ASTN2: variants seen among roughly 807,000 people sequenced by gnomAD.
ASTN2 encodes astrotactin 2, also known as astrotactin-2.
A neutral mutation model predicts 139.8 loss-of-function variants in ASTN2; 54 were observed. The observed-to-expected ratio is 0.39, with a 90% CI of 0.31 to 0.48. The LOEUF (loss-of-function observed/expected upper bound fraction) is 0.48, where lower values mean the gene tolerates loss of function less well. ASTN2 is among the 20% of genes least tolerant of loss of function. ASTN2 has a pLI of 0.95. For synonymous variants in ASTN2, 756 were observed against 719.5 expected, an observed-to-expected ratio of 1.05 and a Z score of -0.81; for missense variants, 1,565 against 1,725.1, an observed-to-expected ratio of 0.91 and a Z score of 1.64.
At chr9:116,733,576 G>T (rs994686648) in intron 13 of ASTN2, 53 bp from the exon 14 acceptor site, 1 of 1,610,708 alleles carries the variant, frequency 6.2e-7, no homozygotes, top group Non-Finnish European at 8.5e-7. Flanking sequence ...GACTGCTGAG[G>T]ACTACAGGGC....
chr9:116,868,481 A>G (rs1833073898), intron 10 of ASTN2, among the ~76,000 whole-genome samples: 1 of 152,184 alleles, frequency 6.6e-6, no homozygotes, highest in Non-Finnish European at 1.5e-5. Flanking sequence ...CTGTCTTAGC[A>G]GAGGAGGACA....
At chr9:117,294,648 C>A (rs528791490) in intron 1 of ASTN2, among the ~76,000 whole-genome samples, 1 of 152,328 alleles carries the variant, frequency 6.6e-6, no homozygotes, top group African/African-American at 2.4e-5. Flanking sequence ...TTCTACCCAG[C>A]CAAATGTCTC....
At chr9:116,746,748 C>T (rs117173116) in intron 13 of ASTN2, among the ~76,000 whole-genome samples, 1,803 of 152,226 alleles carry the variant, frequency 0.012, 20 homozygotes, top group Middle Eastern at 0.044. Flanking sequence ...GTTTGTGCAG[C>T]CCCTGTTCTG....
chr9:116,991,232 T>C (rs899351221), intron 7 of ASTN2, among the ~76,000 whole-genome samples: 1 of 152,120 alleles, frequency 6.6e-6, no homozygotes, highest in Non-Finnish European at 1.5e-5. Flanking sequence ...CCACACTGAA[T>C]CAAATGCTGC....
chr9:116,841,709 T>C (rs1045296813), intron 11 of ASTN2, among the ~76,000 whole-genome samples: 4 of 152,156 alleles, frequency 2.6e-5, no homozygotes, highest in African/African-American at 9.7e-5. Flanking sequence ...AATTTATACA[T>C]TGGAGAAAAT....
At chr9:117,099,726 C>T (rs1828928239) in intron 4 of ASTN2, among the ~76,000 whole-genome samples, 1 of 152,270 alleles carries the variant, frequency 6.6e-6, no homozygotes, top group African/African-American at 2.4e-5. Context: ...AGTAGCAGAA[C>T]CACGATTCAA....
chr9:117,038,031 A>G (rs1045521858), intron 6 of ASTN2, among the ~76,000 whole-genome samples: 3 of 152,336 alleles, frequency 2.0e-5, no homozygotes, highest in South Asian at 4.2e-4. Flanking sequence ...AATAAGAGAT[A>G]TAAGTTCTGA....
At position 116,746,172 on chromosome 9, in the gene ASTN2, C is replaced by T. The variant is rs368084518; in HGVS notation, c.2397-12649G>A. Reference sequence around the variant, plus strand: ...CGCCATCTCAGCTCACTGCAACTTCCGACTCCTGGATTCAAGCGATTCTCC... The same window carrying T: ...CGCCATCTCAGCTCACTGCAACTTCTGACTCCTGGATTCAAGCGATTCTCC... On this transcript the variant is annotated intron_variant, in intron 13 of 22. Transcript: ENST00000313400. Among the ~76,000 whole-genome samples the T allele has an allele frequency of 2.4e-4, 36 of 151,276 alleles. No individual in the cohort carries two copies. In the East Asian group the frequency reaches 4.5e-3, roughly 19 times the overall value.
intron 5 of ASTN2, among the ~76,000 whole-genome samples, chr9:117,082,964 G>A (rs926577155): frequency 2.0e-5 from 3 of 152,104 alleles, no homozygotes; most frequent in African/African-American, 7.2e-5. Context: ...CTTCTTAAAG[G>A]TATAGTTCAT....
rs549911569 is a variant in ASTN2 at position 117,363,560 on chromosome 9, A to G, written c.442+50937T>C. Among the ~76,000 whole-genome samples the G allele has an allele frequency of 5.3e-5, 8 of 152,326 alleles. No homozygotes were observed. The South Asian group carries it at 1.7e-3, about 32-fold the overall frequency. On this transcript the variant is annotated intron_variant, in intron 1 of 22. Coordinates refer to ENST00000313400, the MANE Select transcript of ASTN2 (RefSeq NM_001365068.1). ...GATTGCAGTACAGAGGAGAACATGT[A>G]TGAAATGCCAGCAGAACATGCTGTG...
At chr9:117,149,329 C>G (rs913869863) in intron 3 of ASTN2, among the ~76,000 whole-genome samples, 1 of 151,960 alleles carries the variant, frequency 6.6e-6, no homozygotes, top group Non-Finnish European at 1.5e-5. Context: ...GAACCAGTTT[C>G]TTAAAATAAA....
chr9:116,520,735 C>G (rs1850834607), intron 19 of ASTN2, among the ~76,000 whole-genome samples: 1 of 151,900 alleles, frequency 6.6e-6, no homozygotes, highest in African/African-American at 2.4e-5. Flanking sequence ...ATGATATAAT[C>G]ATATACCTAA....
At chr9:117,265,441 T>C (rs1011124931) in intron 2 of ASTN2, among the ~76,000 whole-genome samples, 4 of 152,150 alleles carry the variant, frequency 2.6e-5, no homozygotes, top group Admixed American at 1.3e-4. Flanking sequence ...TCCCCAGGCA[T>C]GGGCAGAGGG....
intron 22 of ASTN2, among the ~76,000 whole-genome samples, chr9:116,427,764 C>T (rs1361862335): frequency 6.6e-6 from 1 of 152,222 alleles, no homozygotes; most frequent in Non-Finnish European, 1.5e-5. Context: ...GGAATATTTC[C>T]TGAGGTGCCA....
At chr9:116,789,387 T>C (rs1214254153) in intron 13 of ASTN2, among the ~76,000 whole-genome samples, 3 of 152,208 alleles carry the variant, frequency 2.0e-5, no homozygotes, top group Non-Finnish European at 2.9e-5. Context: ...GCTAATTAAC[T>C]GTCCACTTAA....
Position 117,214,495 on chromosome 9 carries a change from T to C in ASTN2, c.878A>G (p.Tyr293Cys), listed in dbSNP as rs774912586. ...TGGCTCCTCATCCTCCTCACAGTCA[T>C]AGTCATCCAGGATGGGAGTCTCCCG... is the stretch of plus-strand genomic sequence containing the variant. ...PIRETPILDDYDCEEDEEPPR... is the reference protein window; with the variant it reads ...PIRETPILDDCDCEEDEEPPR... The change falls in exon 3 of 23, where the codon TAT (tyrosine) becomes TGT (cysteine). Residue 293 changes from tyrosine to cysteine, a missense_variant. Physicochemically the swap from Tyr to Cys is radical, Grantham distance 194. Transcript: ENST00000313400. 3.1e-6 allele frequency: 5 copies of C among 1,614,212 alleles called. No homozygotes were observed. In the East Asian group the frequency reaches 6.7e-5, roughly 22 times the overall value.
chr9:116,844,650 T>C (rs572337695), intron 11 of ASTN2, among the ~76,000 whole-genome samples: 14 of 152,216 alleles, frequency 9.2e-5, no homozygotes, highest in Admixed American at 3.3e-4. Context: ...ACATAGTATC[T>C]AGCACAATGG....
Position 116,820,610 on chromosome 9 carries a change from G to C in ASTN2, c.2207+7C>G, listed in dbSNP as rs1208362843. 1.2e-6 allele frequency: 2 copies of C among 1,612,460 alleles called. No homozygotes were observed. Among genetic ancestry groups the C allele is most frequent in the Non-Finnish European group, 1.7e-6 (2 of 1,179,046 alleles). On this transcript the variant is annotated splice_region_variant and intron_variant, in intron 12 of 22. Coordinates refer to ENST00000313400, the MANE Select transcript of ASTN2 (RefSeq NM_001365068.1). ...GGGGCACCTGGGCCTTGGGGACAGA[G>C]ACTCACCCGCAGAACATGAAGATGG...
chr9:116,903,502 G>A (rs771757190), intron 10 of ASTN2, among the ~76,000 whole-genome samples: 12 of 152,158 alleles, frequency 7.9e-5, no homozygotes, highest in Non-Finnish European at 1.8e-4. Context: ...AAATGGAAAT[G>A]ACCCAGGACT....
Sources: allele counts gnomAD v4.1 joint callset (sites outside exome capture counted in the v4.1 genomes callset), GRCh38; gene constraint gnomAD v4.1.1; transcripts MANE v1.5; gene names NCBI Gene and HGNC (gene_info 2026-07-23, HGNC 2026-07-21).